The following AZIN2 variants were observed in gnomAD, a reference collection of about 807,000 sequenced individuals.
AZIN2 encodes the protein ODC antizyme inhibitor-2.
In AZIN2, 28 loss-of-function variants were observed where a neutral mutation model predicts 47.8. The observed-to-expected ratio is 0.59, with a 90% confidence interval of 0.43 to 0.80. The LOEUF (loss-of-function observed/expected upper bound fraction) is 0.80. Among genes scored for constraint, AZIN2 ranks in the 30% least tolerant of loss-of-function variants. The pLI is 0.00. For synonymous variants in AZIN2, 221 were observed against 239.4 expected, an observed-to-expected ratio of 0.92 and a Z score of 0.71; for missense variants, 535 against 582.5, an observed-to-expected ratio of 0.92 and a Z score of 0.84.
intron 10 of AZIN2, among the ~76,000 whole-genome samples, chr1:33,105,439 A>C (rs1230091944): frequency 1.3e-5 from 2 of 152,202 alleles, no homozygotes; most frequent in East Asian, 3.8e-4. Context: ...GGGTAATTTA[A>C]AAAGGAAAGA....
At chr1:33,129,522 CAT>C in the AZIN2 span, among the ~76,000 whole-genome samples, 1 of 152,186 alleles carries the variant, frequency 6.6e-6, no homozygotes, top group South Asian at 2.1e-4. The surrounding 1 kb of genome is among the most constrained non-coding windows in gnomAD (Gnocchi z 4.1). Flanking sequence ...ATGAGTGTTA[CAT>C]ATATGTTTAC....
chr1:33,109,327 C>CTT (rs1231170138), intron 10 of AZIN2, among the ~76,000 whole-genome samples: 2 of 138,008 alleles, frequency 1.4e-5, no homozygotes, highest in African/African-American at 5.3e-5. Flanking sequence ...TTTTCTTTTT[C>CTT]TTTTTTTTTT....
chr1:33,149,200 G>A, the AZIN2 span, among the ~76,000 whole-genome samples: 2 of 152,112 alleles, frequency 1.3e-5, no homozygotes, highest in East Asian at 1.9e-4. Flanking sequence ...TCCCCCAGGC[G>A]GGAATGCAGT....
chr1:33,124,835 A>C (rs149637299), downstream of AZIN2, among the ~76,000 whole-genome samples: 37 of 152,286 alleles, frequency 2.4e-4, no homozygotes, highest in East Asian at 6.9e-3. This position sits in a 1 kb window ranked among gnomAD's most constrained non-coding sequence, Gnocchi z 4.6. Flanking sequence ...CCATGTCCCT[A>C]CAAAGGACAG....
intron 9 of AZIN2, among the ~76,000 whole-genome samples, chr1:33,097,175 C>T (rs1643245424): frequency 6.6e-6 from 1 of 152,164 alleles, no homozygotes; most frequent in Non-Finnish European, 1.5e-5. Flanking sequence ...TACAAGTGAA[C>T]TGCTTAATAG....
At chr1:33,138,382 C>T in the AZIN2 span, among the ~76,000 whole-genome samples, 2 of 152,242 alleles carry the variant, frequency 1.3e-5, no homozygotes, top group African/African-American at 4.8e-5. Flanking sequence ...AAAGGCTGGT[C>T]TAGGTGCAGT....
the AZIN2 span, chr1:33,166,399 TG>T: frequency 6.6e-6 from 1 of 151,998 alleles, no homozygotes; most frequent in Non-Finnish European, 1.5e-5. Context: ...CTAAAAAGGT[TG>T]GGGACCACTG....
Position 33,120,868 on chromosome 1 carries a change from T to C in AZIN2, c.*686T>C, listed in dbSNP as rs1644779522. On this transcript the variant is annotated 3_prime_UTR_variant, in exon 12 of 12. Transcript: ENST00000294517. ...TATTTAACACAGCTGTGGAAATTCATACTGAAGATACAGAGCCAAGAAATG... is the reference window on the plus strand; with the variant it reads ...TATTTAACACAGCTGTGGAAATTCACACTGAAGATACAGAGCCAAGAAATG... Among the ~76,000 whole-genome samples the C allele has an allele frequency of 6.6e-6, 1 of 152,224 alleles. No individual in the cohort carries two copies. The highest frequency in any genetic ancestry group is 1.5e-5 in the Non-Finnish European group (1 of 68,042).
intron 5 of AZIN2, among the ~76,000 whole-genome samples, chr1:33,090,453 G>A (rs183099214): frequency 2.0e-5 from 3 of 152,152 alleles, no homozygotes; most frequent in African/African-American, 4.8e-5. Context: ...GGCTGAGCCC[G>A]CACACCCTGC....
the AZIN2 span, among the ~76,000 whole-genome samples, chr1:33,138,215 A>G: frequency 6.6e-6 from 1 of 152,182 alleles, no homozygotes; most frequent in Non-Finnish European, 1.5e-5. Context: ...GGGGGTTAGG[A>G]AAAGTAGGCT....
At chr1:33,127,549 C>T (rs892899678), downstream of AZIN2, among the ~76,000 whole-genome samples, 5 of 152,224 alleles carry the variant, frequency 3.3e-5, no homozygotes, top group Admixed American at 1.3e-4. Flanking sequence ...GCGTGGGAAG[C>T]GGGCGACCTT....
chr1:33,158,177 T>C, the AZIN2 span: 1 of 1,353,122 alleles, frequency 7.4e-7, no homozygotes. Context: ...TGCCCCATGC[T>C]GTGTTTAGGA....
the AZIN2 span, among the ~76,000 whole-genome samples, chr1:33,131,974 G>C: frequency 6.6e-6 from 1 of 152,168 alleles, no homozygotes; most frequent in African/African-American, 2.4e-5. Flanking sequence ...ATCAAGGCAT[G>C]GTTGATTGAG....
intron 9 of AZIN2, among the ~76,000 whole-genome samples, chr1:33,097,524 T>C (rs1643284764): frequency 6.6e-6 from 1 of 152,174 alleles, no homozygotes; most frequent in East Asian, 1.9e-4. Flanking sequence ...TCTTGAGGCT[T>C]GCCCTCTGCT....
chr1:33,090,219 T>C (rs1440090973), intron 5 of AZIN2, among the ~76,000 whole-genome samples: 1 of 152,246 alleles, frequency 6.6e-6, no homozygotes, highest in Non-Finnish European at 1.5e-5. Flanking sequence ...AGAGACTGTG[T>C]GGCTCGCAAA....
the AZIN2 span, chr1:33,160,059 C>T: frequency 6.7e-6 from 9 of 1,352,536 alleles, no homozygotes; most frequent in African/African-American, 4.3e-5. Flanking sequence ...GGAAAGGGCA[C>T]GCGTGGTGGG....
At chr1:33,159,832 C>T in the AZIN2 span, 15 of 1,613,564 alleles carry the variant, frequency 9.3e-6, no homozygotes, top group East Asian at 8.9e-5. This position sits in a 1 kb window ranked among gnomAD's most constrained non-coding sequence, Gnocchi z 4.2. Flanking sequence ...GGTCAGCGTG[C>T]GGGCCGTGTC....
intron 10 of AZIN2, among the ~76,000 whole-genome samples, chr1:33,103,762 A>T (rs1364115432): frequency 6.6e-6 from 1 of 152,168 alleles, no homozygotes. Flanking sequence ...TGAATTGTGA[A>T]TGGATGAATC....
At chr1:33,160,387 T>G in the AZIN2 span, among the ~76,000 whole-genome samples, 1 of 152,008 alleles carries the variant, frequency 6.6e-6, no homozygotes, top group Non-Finnish European at 1.5e-5. Flanking sequence ...TAGTGAAGTC[T>G]TTATTTTTTT....
Sources: allele counts gnomAD v4.1 joint callset (sites outside exome capture counted in the v4.1 genomes callset), GRCh38; gene constraint gnomAD v4.1.1; non-coding constraint Gnocchi (gnomAD v3.1); transcripts MANE v1.5; gene names NCBI Gene and HGNC (gene_info 2026-07-23, HGNC 2026-07-21).